The following FCRL1 variants were observed in gnomAD, a reference collection of about 807,000 sequenced individuals.
The protein encoded by FCRL1 is Fc receptor like 1.
FCRL1 carries 34 observed loss-of-function variants against 49.2 expected under a neutral mutation model. The ratio of observed to expected loss-of-function variants is 0.69; its 90% CI spans 0.53 to 0.92. The LOEUF is 0.92. FCRL1 is among the 40% of genes least tolerant of loss of function. The probability of loss-of-function intolerance (pLI) is 0.00; values close to 1 mark genes in which losing one functional copy is unlikely to be tolerated. For synonymous variants in FCRL1, 218 were observed against 201.6 expected (o/e 1.08, Z -0.69); for missense variants, 524 against 524.1 (o/e 1.00, Z 0.00).
chr1:157,815,015 T>C (rs1654835908), intron 1 of FCRL1, among the ~76,000 whole-genome samples: 2 of 151,994 alleles, frequency 1.3e-5, no homozygotes, highest in African/African-American at 4.8e-5. Flanking sequence ...AGTAGGGGAC[T>C]TTAATACTCC....
chr1:157,815,303 CA>C (rs1315425651), intron 1 of FCRL1, among the ~76,000 whole-genome samples: 1 of 151,806 alleles, frequency 6.6e-6, no homozygotes, highest in Non-Finnish European at 1.5e-5. Flanking sequence ...CAAGGTACTT[CA>C]GAAACTTCAC....
intron 1 of FCRL1, among the ~76,000 whole-genome samples, chr1:157,817,724 CAG>C (rs1372357629): frequency 1.3e-5 from 2 of 152,074 alleles, no homozygotes; most frequent in Non-Finnish European, 2.9e-5. Context: ...AAACAATCAA[CAG>C]AGTGAAGAGA....
intron 6 of FCRL1, 29 bp from the exon 7 acceptor site, chr1:157,800,114 T>A: frequency 6.2e-7 from 1 of 1,611,508 alleles, no homozygotes; most frequent in Non-Finnish European, 8.5e-7. Flanking sequence ...AGCATACACA[T>A]AAATGGAAGA....
At chr1:157,805,620 G>A (rs1350833701) in intron 2 of FCRL1, among the ~76,000 whole-genome samples, 1 of 152,212 alleles carries the variant, frequency 6.6e-6, no homozygotes, top group Non-Finnish European at 1.5e-5. Flanking sequence ...TTTAGGCCAG[G>A]TGTGGTGGCT....
intron 1 of FCRL1, among the ~76,000 whole-genome samples, chr1:157,811,006 C>T (rs1247760909): frequency 6.6e-6 from 1 of 152,046 alleles, no homozygotes; most frequent in Non-Finnish European, 1.5e-5. Context: ...GTCTGAAACA[C>T]CTGATGTCAA....
chr1:157,808,308 A>G (rs967568450), intron 1 of FCRL1, among the ~76,000 whole-genome samples: 2 of 152,234 alleles, frequency 1.3e-5, no homozygotes, highest in African/African-American at 2.4e-5. Flanking sequence ...TAAGAAAAAT[A>G]AAGCAGAGAA....
Position 157,802,623 on chromosome 1 carries a change from C to A in FCRL1, c.361G>T (p.Gly121Ter). 1 of 1,614,036 alleles carries A rather than the reference C, an allele frequency of 6.2e-7. No individual in the cohort carries two copies. Among genetic ancestry groups the A allele is most frequent in the Non-Finnish European group, 8.5e-7 (1 of 1,179,958 alleles). Residue 121 changes from glycine (G) to a stop codon, truncating the protein, a stop_gained, in exon 4 of 11, where the codon GGA (glycine) becomes TGA (stop). Transcript: ENST00000368176. LOFTEE classifies it high-confidence loss of function. ...ADVSLETQPP[G>*]GQVMEGDRLV... ...CTGTCTCCCTCCATCACCTGTCCTCCTGGGGGCTGAGTCTCCAAGCTCACA... is the reference window on the plus strand; with the variant it reads ...CTGTCTCCCTCCATCACCTGTCCTCATGGGGGCTGAGTCTCCAAGCTCACA...
intron 2 of FCRL1, 131 bp from the exon 3 acceptor site, chr1:157,804,242 C>A (rs1653014880): frequency 9.5e-7 from 1 of 1,051,744 alleles, no homozygotes; most frequent in Non-Finnish European, 1.3e-6. Flanking sequence ...CCCTACATGT[C>A]TCCACCCCCC....
intron 1 of FCRL1, among the ~76,000 whole-genome samples, chr1:157,817,598 T>C (rs1032610830): frequency 2.6e-5 from 4 of 152,066 alleles, no homozygotes; most frequent in African/African-American, 4.8e-5. Context: ...GGGAAAGCTC[T>C]ATGTCACTGA....
In FCRL1 at chr1:157,803,844, C is replaced by A. The variant is rs1035595194; in HGVS notation, c.319+1G>T. 1.2e-6 allele frequency: 2 copies of A among 1,613,444 alleles called. No individual in the cohort carries two copies. Among genetic ancestry groups the A allele is most frequent in the Non-Finnish European group, 1.7e-6 (2 of 1,179,464 alleles). On this transcript the variant is annotated splice_donor_variant, in intron 3 of 10. Coordinates refer to ENST00000368176, the MANE Select transcript of FCRL1 (RefSeq NM_052938.5). LOFTEE classifies it high-confidence loss of function. Reference sequence around the variant, plus strand: ...GGCAGACTGACCCCACTGACACTCACTGTGCACATTTATCTGGGATCTCCT... The same window carrying A: ...GGCAGACTGACCCCACTGACACTCAATGTGCACATTTATCTGGGATCTCCT...
rs542158811 is a variant in FCRL1 at position 157,801,726 on chromosome 1, T to G, written c.887-149A>C. The stretch of plus-strand genomic sequence containing the variant: ...AGGGACTTGTGGCTTATCATCTTTA[T>G]GACAAGAGAAGAGCTGCACCCAACC... On this transcript the variant is annotated intron_variant, in intron 5 of 10. Transcript: ENST00000368176. 4.7e-5 allele frequency: 40 copies of G among 857,398 alleles called. 1 individual carries two copies. The South Asian group carries it at 6.3e-4, about 13-fold the overall frequency. The allele number at this position is 857,398 out of a possible 1,614,324, so 53.1% of individuals were successfully genotyped here. A position where few individuals can be genotyped will look rare whatever the true frequency, so the allele number is the denominator to read the frequency against.
intron 1 of FCRL1, among the ~76,000 whole-genome samples, chr1:157,811,445 C>T (rs1654302381): frequency 6.6e-6 from 1 of 152,152 alleles, no homozygotes; most frequent in Admixed American, 6.5e-5. Context: ...CTAGGAGGGG[C>T]TTTTCCCTGA....
At chr1:157,796,965 C>G (rs527904966) in intron 10 of FCRL1, 136 bp downstream of exon 10, 1 of 749,632 alleles carries the variant, frequency 1.3e-6, no homozygotes, top group East Asian at 2.6e-5. Context: ...GTTTTTACCT[C>G]CATTGCTTTG....
chr1:157,798,737 C>G (rs1047892540), intron 7 of FCRL1, among the ~76,000 whole-genome samples: 11 of 152,098 alleles, frequency 7.2e-5, no homozygotes, highest in Non-Finnish European at 1.5e-4. Context: ...ATTGGGATCT[C>G]TAGATGGAAG....
chr1:157,809,729 G>C (rs1654031836), intron 1 of FCRL1, among the ~76,000 whole-genome samples: 1 of 152,046 alleles, frequency 6.6e-6, no homozygotes, highest in African/African-American at 2.4e-5. Flanking sequence ...CAAAGTCCTG[G>C]GATTACAGAC....
chr1:157,808,399 G>A (rs1179298271), intron 1 of FCRL1, among the ~76,000 whole-genome samples: 2 of 152,102 alleles, frequency 1.3e-5, no homozygotes, highest in African/African-American at 4.8e-5. Flanking sequence ...AATGAAATCA[G>A]GAAACAAGCC....
Position 157,802,569 on chromosome 1 carries a change from C to T in FCRL1, c.415G>A (p.Gly139Ser). ...CAAAGGAAGGTGATGTCTCCTGTGC[C>T]CATAGCAACTGAGCAGATGAGGACC... ...RLVLICSVAM[G>S]TGDITFLWYK... is the part of the protein sequence containing the mutation. The change falls in exon 4 of 11, where the codon GGC (glycine) becomes AGC (serine). Residue 139 changes from glycine to serine, a missense_variant. Gly to Ser is a moderately conservative substitution (Grantham distance 56). Transcript: ENST00000368176. 2 of 1,614,162 alleles carry T rather than the reference C, an allele frequency of 1.2e-6. No individual in the cohort carries two copies. The highest frequency in any genetic ancestry group is 1.3e-5 in the African/African-American group (1 of 75,044).
intron 6 of FCRL1, among the ~76,000 whole-genome samples, chr1:157,800,450 A>G (rs1652260695): frequency 6.6e-6 from 1 of 152,206 alleles, no homozygotes; most frequent in African/African-American, 2.4e-5. Flanking sequence ...CATGATATAG[A>G]CGGTGTGAGG....
intron 3 of FCRL1, 30 bp downstream of exon 3, chr1:157,803,815 T>C: frequency 6.2e-7 from 1 of 1,606,372 alleles, no homozygotes; most frequent in Middle Eastern, 1.7e-4. Flanking sequence ...TCTCAGCCTA[T>C]CCTGGCAGAC....
Sources: gnomAD v4.1 joint callset for allele counts (sites outside exome capture counted in the v4.1 genomes callset) on GRCh38, gnomAD v4.1.1 for gene constraint, MANE v1.5 for transcripts, NCBI Gene and HGNC (gene_info 2026-07-23, HGNC 2026-07-21) for gene names.